SLC60A1: variants seen among roughly 807,000 people sequenced by gnomAD.
The protein encoded by SLC60A1 is major facilitator superfamily domain containing 4.
At chr1:205,592,105 G>C in the SLC60A1 span, 1 of 1,611,494 alleles carries the variant, frequency 6.2e-7, no homozygotes. Flanking sequence ...TCAGCTTTTC[G>C]CAATTCCTAA....
At chr1:205,579,687 TGGA>T in the SLC60A1 span, 2 of 1,580,860 alleles carry the variant, frequency 1.3e-6, no homozygotes, top group Admixed American at 1.7e-5. Flanking sequence ...ACCCAGTGAA[TGGA>T]GGAGAAGGGG....
the SLC60A1 span, among the ~76,000 whole-genome samples, chr1:205,572,768 G>T: frequency 6.6e-6 from 1 of 152,184 alleles, no homozygotes; most frequent in Non-Finnish European, 1.5e-5. Flanking sequence ...TCCAGTACCA[G>T]ACATTGTCCT....
chr1:205,580,229 T>C, the SLC60A1 span, among the ~76,000 whole-genome samples: 1 of 152,042 alleles, frequency 6.6e-6, no homozygotes, highest in African/African-American at 2.4e-5. The surrounding 1 kb of genome is among the most constrained non-coding windows in gnomAD (Gnocchi z 5.0). Context: ...TCCTTCCCTC[T>C]CTCTCCTTTC....
chr1:205,575,284 T>TC, the SLC60A1 span, among the ~76,000 whole-genome samples: 1 of 152,194 alleles, frequency 6.6e-6, no homozygotes, highest in Non-Finnish European at 1.5e-5. Context: ...AAGGAGATTT[T>TC]CCAGGCTGGG....
the SLC60A1 span, chr1:205,580,967 C>A: frequency 6.3e-7 from 1 of 1,590,502 alleles, no homozygotes. The surrounding 1 kb of genome is among the most constrained non-coding windows in gnomAD (Gnocchi z 5.0). Context: ...GTGGACAGTC[C>A]ACACATCCCA....
the SLC60A1 span, among the ~76,000 whole-genome samples, chr1:205,593,228 T>C: frequency 6.6e-6 from 1 of 151,914 alleles, no homozygotes; most frequent in African/African-American, 2.4e-5. Flanking sequence ...CCCAGCACTT[T>C]GGGAGGCCAA....
the SLC60A1 span, among the ~76,000 whole-genome samples, chr1:205,576,734 A>G: frequency 3.9e-5 from 6 of 152,298 alleles, no homozygotes; most frequent in African/African-American, 1.4e-4. Flanking sequence ...TATCATTCTA[A>G]AGAAATTTGT....
chr1:205,584,889 G>T, the SLC60A1 span: 1 of 1,614,064 alleles, frequency 6.2e-7, no homozygotes, highest in Non-Finnish European at 8.5e-7. Context: ...ATGAGGACCT[G>T]TTCAGCTGCT....
chr1:205,586,261 T>G, the SLC60A1 span: 22 of 1,599,936 alleles, frequency 1.4e-5, no homozygotes, highest in South Asian at 5.6e-5. Flanking sequence ...AGAAGCCGCC[T>G]CCTCCTGGCC....
the SLC60A1 span, chr1:205,569,363 C>G: frequency 1.7e-6 from 2 of 1,205,606 alleles, no homozygotes; most frequent in Non-Finnish European, 2.1e-6. Flanking sequence ...CCGGGCCGAC[C>G]CTTCCCTCCC....
the SLC60A1 span, chr1:205,602,170 A>G: frequency 5.3e-5 from 8 of 152,348 alleles, no homozygotes; most frequent in Non-Finnish European, 1.0e-4. Context: ...CTATGTATAT[A>G]CAAATGTACA....
chr1:205,596,544 CAAAAAAAAAAAAAAAAAAAAAA>C, the SLC60A1 span, among the ~76,000 whole-genome samples: 2 of 49,110 alleles, frequency 4.1e-5, no homozygotes, highest in South Asian at 1.1e-3. Context: ...GACTCTGTCT[CAAAAAAAAAAAAAAAAAAAAAA>C]AAAAAAAAAA....
chr1:205,586,582 G>A, the SLC60A1 span, among the ~76,000 whole-genome samples: 1 of 152,306 alleles, frequency 6.6e-6, no homozygotes, highest in Middle Eastern at 3.4e-3. Flanking sequence ...GTGCCCAGCT[G>A]CTCAGAGCCC....
chr1:205,593,364 G>A, the SLC60A1 span, among the ~76,000 whole-genome samples: 2 of 136,186 alleles, frequency 1.5e-5, no homozygotes, highest in African/African-American at 2.8e-5. Flanking sequence ...CCAGCTACTC[G>A]GGAGGCTGAG....
chr1:205,577,521 G>T, the SLC60A1 span, among the ~76,000 whole-genome samples: 1 of 152,170 alleles, frequency 6.6e-6, no homozygotes, highest in African/African-American at 2.4e-5. The surrounding 1 kb of genome is among the most constrained non-coding windows in gnomAD (Gnocchi z 5.2). Context: ...CCCGCAGAGG[G>T]GTGTTAGAGG....
chr1:205,573,427 GA>G, the SLC60A1 span, among the ~76,000 whole-genome samples: 44,365 of 142,444 alleles, frequency 0.31, 7,742 homozygotes, highest in East Asian at 0.78. Flanking sequence ...CTCAAAAAAA[GA>G]AAAAAAAAAA....
At chr1:205,575,925 C>A in the SLC60A1 span, among the ~76,000 whole-genome samples, 2 of 152,294 alleles carry the variant, frequency 1.3e-5, no homozygotes, top group South Asian at 2.1e-4. Context: ...TGCCACTCTG[C>A]CACTCTGCTG....
At chr1:205,575,174 G>A in the SLC60A1 span, among the ~76,000 whole-genome samples, 1 of 152,154 alleles carries the variant, frequency 6.6e-6, no homozygotes, top group Non-Finnish European at 1.5e-5. Context: ...ATCTCCTTCT[G>A]GGCTGCTGCC....
the SLC60A1 span, chr1:205,569,245 C>T: frequency 5.1e-6 from 8 of 1,569,914 alleles, no homozygotes; most frequent in Admixed American, 1.8e-5. Flanking sequence ...GTCTTCTTCT[C>T]GCAGCAGCTC....
Sources: allele counts gnomAD v4.1 joint callset (sites outside exome capture counted in the v4.1 genomes callset), GRCh38; gene constraint gnomAD v4.1.1; non-coding constraint Gnocchi (gnomAD v3.1); transcripts MANE v1.5; gene names NCBI Gene and HGNC (gene_info 2026-07-23, HGNC 2026-07-21).